The following SRBD1 variants were observed in gnomAD, a reference collection of about 807,000 sequenced individuals.
SRBD1 encodes S1 RNA-binding domain-containing protein 1.
Under a neutral mutation model 115.3 loss-of-function variants are expected in SRBD1, and 88 were observed. The ratio of observed to expected loss-of-function variants is 0.76; its 90% CI spans 0.64 to 0.91. The LOEUF (loss-of-function observed/expected upper bound fraction) is 0.91. Ranked by LOEUF, SRBD1 falls within the 40% of genes least tolerant of loss-of-function variation. The pLI, the probability that SRBD1 is intolerant of heterozygous loss-of-function variation, is 0.00. For synonymous variants in SRBD1, 509 were observed against 407.7 expected (o/e 1.25, Z -2.99); for missense variants, 1,385 against 1,177.4 (o/e 1.18, Z -2.58).
At chr2:45,576,194 C>A (rs555439807) in intron 7 of SRBD1, among the ~76,000 whole-genome samples, 58 of 152,272 alleles carry the variant, frequency 3.8e-4, no homozygotes, top group African/African-American at 1.3e-3. Context: ...TTATGATAAT[C>A]CACTTCCATT....
In SRBD1 at chr2:45,548,117, A is replaced by G. The variant is rs1356468376; in HGVS notation, c.1676-505T>C. Among the ~76,000 whole-genome samples, 3 of 151,440 alleles carry G rather than the reference A, an allele frequency of 2.0e-5. No individual in the cohort carries two copies. In the South Asian group the frequency reaches 6.2e-4, roughly 31 times the overall value. On this transcript the variant is annotated intron_variant, in intron 12 of 20. Coordinates refer to ENST00000263736, the MANE Select transcript of SRBD1 (RefSeq NM_018079.5). The stretch of plus-strand genomic sequence containing the variant: ...AATTAAAATTATTTTGATTAAAAGT[A>G]TTTTTTAAAATTTGAAGATAACTAC...
chr2:45,556,781 G>A (rs1672492205), intron 10 of SRBD1, among the ~76,000 whole-genome samples: 1 of 151,944 alleles, frequency 6.6e-6, no homozygotes. Flanking sequence ...TGTTCATGGT[G>A]GATTTACTTA....
intron 14 of SRBD1, among the ~76,000 whole-genome samples, chr2:45,507,642 A>G (rs1386966613): frequency 6.6e-6 from 1 of 151,826 alleles, no homozygotes; most frequent in East Asian, 1.9e-4. Context: ...AATTGCTTGA[A>G]CCCAAGAGGT....
At chr2:45,474,746 G>A (rs563157841) in intron 16 of SRBD1, among the ~76,000 whole-genome samples, 9 of 152,150 alleles carry the variant, frequency 5.9e-5, no homozygotes, top group Non-Finnish European at 1.3e-4. Context: ...CCATGAGTGT[G>A]ATTCCCCATG....
intron 2 of SRBD1, among the ~76,000 whole-genome samples, chr2:45,604,723 TTC>T (rs1180121553): frequency 6.6e-6 from 1 of 152,168 alleles, no homozygotes; most frequent in African/African-American, 2.4e-5. Context: ...CGCAATAACT[TTC>T]TGACTACTCT....
chr2:45,511,787 AT>A (rs1296689246), intron 14 of SRBD1, among the ~76,000 whole-genome samples: 2 of 152,188 alleles, frequency 1.3e-5, no homozygotes, highest in East Asian at 3.8e-4. Flanking sequence ...CCATTCCCAG[AT>A]ACCAAGCTTT....
chr2:45,399,614 A>G (rs1558552542), intron 19 of SRBD1, among the ~76,000 whole-genome samples: 2 of 152,110 alleles, frequency 1.3e-5, no homozygotes, highest in Non-Finnish European at 2.9e-5. Context: ...TAGCAGGCCT[A>G]CCCTTTTACT....
intron 2 of SRBD1, among the ~76,000 whole-genome samples, chr2:45,605,023 C>A (rs1380949278): frequency 6.6e-6 from 1 of 152,186 alleles, no homozygotes; most frequent in African/African-American, 2.4e-5. Context: ...GCCCCCACAA[C>A]AAAGAATTGT....
At chr2:45,446,759 T>C (rs1668836857) in intron 16 of SRBD1, among the ~76,000 whole-genome samples, 1 of 149,334 alleles carries the variant, frequency 6.7e-6, no homozygotes, top group Non-Finnish European at 1.5e-5. Flanking sequence ...CTTCCAAAAA[T>C]TAAAAACATA....
At chr2:45,459,388 A>G (rs1247551141) in intron 16 of SRBD1, among the ~76,000 whole-genome samples, 1 of 152,076 alleles carries the variant, frequency 6.6e-6, no homozygotes, top group East Asian at 1.9e-4. Context: ...ACTCTCTCTG[A>G]TCCTTTGTTT....
chr2:45,492,379 GC>G (rs1670323528), intron 14 of SRBD1, among the ~76,000 whole-genome samples: 1 of 152,070 alleles, frequency 6.6e-6, no homozygotes, highest in African/African-American at 2.4e-5. Flanking sequence ...ATTATATTTT[GC>G]CAAATTGAGA....
chr2:45,550,838 A>G (rs1000919527), intron 12 of SRBD1, among the ~76,000 whole-genome samples: 4 of 152,250 alleles, frequency 2.6e-5, no homozygotes, highest in Non-Finnish European at 5.9e-5. Flanking sequence ...TCACAATAAT[A>G]GAATCTGATG....
intron 14 of SRBD1, among the ~76,000 whole-genome samples, chr2:45,499,069 A>G (rs1048132940): frequency 6.6e-6 from 1 of 152,080 alleles, no homozygotes; most frequent in Admixed American, 6.6e-5. Flanking sequence ...TAGGGAACCC[A>G]TATAGAATTT....
In SRBD1 at chr2:45,410,878, A is replaced by G. The variant is rs79060118; in HGVS notation, c.2513+2236T>C. Among the ~76,000 whole-genome samples the G allele has an allele frequency of 6.8e-3, 1,037 of 152,250 alleles. 14 individuals are homozygous for G. The highest frequency in any genetic ancestry group is 0.024 in the African/African-American group (987 of 41,552). Reference sequence around the variant, plus strand: ...TAGTATGCCCATGTAGAAGTTCCATATCCTTTCCCCCATATACCTTCCCCC... The same window carrying G: ...TAGTATGCCCATGTAGAAGTTCCATGTCCTTTCCCCCATATACCTTCCCCC... On this transcript the variant is annotated intron_variant, in intron 19 of 20. Transcript: ENST00000263736.
chr2:45,458,809 A>G (rs1449784352), intron 16 of SRBD1, among the ~76,000 whole-genome samples: 1 of 152,164 alleles, frequency 6.6e-6, no homozygotes, highest in Non-Finnish European at 1.5e-5. Context: ...CTCTTCAGGT[A>G]TTTTATTACA....
At chr2:45,509,608 C>CACACACAG (rs1670905146) in intron 14 of SRBD1, among the ~76,000 whole-genome samples, 1 of 145,100 alleles carries the variant, frequency 6.9e-6, no homozygotes, top group Non-Finnish European at 1.5e-5. Context: ...AACACACACA[C>CACACACAG]ACACACACAC....
chr2:45,580,545 G>C (rs1673323073), intron 6 of SRBD1, among the ~76,000 whole-genome samples: 1 of 134,404 alleles, frequency 7.4e-6, no homozygotes, highest in East Asian at 2.1e-4. Flanking sequence ...ATTTTTAGTA[G>C]AGACAGGGTT....
chr2:45,538,330 A>G (rs1558463009), intron 14 of SRBD1, among the ~76,000 whole-genome samples: 1 of 152,024 alleles, frequency 6.6e-6, no homozygotes. Flanking sequence ...TTCCCATGCT[A>G]CTCCACTCTG....
intron 5 of SRBD1, 24 bp downstream of exon 5, chr2:45,585,583 GC>G: frequency 6.3e-7 from 1 of 1,598,796 alleles, no homozygotes; most frequent in Non-Finnish European, 8.5e-7. Flanking sequence ...CTTACACTAG[GC>G]TTATTCTTTT....
Sources: gnomAD v4.1 joint callset for allele counts (sites outside exome capture counted in the v4.1 genomes callset) on GRCh38, gnomAD v4.1.1 for gene constraint, MANE v1.5 for transcripts, NCBI Gene and HGNC (gene_info 2026-07-23, HGNC 2026-07-21) for gene names.